The following MAP7D1 variants were observed in gnomAD, a reference collection of about 807,000 sequenced individuals.
MAP7D1 encodes MAP7 domain containing 1, also known as MAP7 domain-containing protein 1.
A neutral mutation model predicts 97.5 loss-of-function variants in MAP7D1; 30 were observed. That is an observed-to-expected ratio of 0.31 (90% CI 0.23 to 0.42). MAP7D1 has a LOEUF of 0.42. Among genes scored for constraint, MAP7D1 ranks in the 10% least tolerant of loss-of-function variants. MAP7D1 has a pLI of 1.00. For synonymous variants in MAP7D1, 536 were observed against 477.1 expected, an observed-to-expected ratio of 1.12 and a Z score of -1.61; for missense variants, 1,184 against 1,179.5, an observed-to-expected ratio of 1.00 and a Z score of -0.06.
At chr1:36,167,586 A>G (rs775385763) in intron 1 of MAP7D1, among the ~76,000 whole-genome samples, 1 of 151,984 alleles carries the variant, frequency 6.6e-6, no homozygotes, top group Non-Finnish European at 1.5e-5. Flanking sequence ...GTCTGTACCA[A>G]CTCCCCATGT....
At chr1:36,156,541 C>G in intron 1 of MAP7D1, 78 bp downstream of exon 1, 1 of 1,229,768 alleles carries the variant, frequency 8.1e-7, no homozygotes, top group African/African-American at 1.6e-5. Context: ...GGCCGGCCGG[C>G]TGGGCGGGGA....
Position 36,178,031 on chromosome 1 carries a change from A to T in MAP7D1, c.1538A>T (p.Glu513Val), listed in dbSNP as rs1457731184. 1.2e-6 allele frequency: 2 copies of T among 1,613,422 alleles called. No homozygotes were observed. Among genetic ancestry groups the T allele is most frequent in the South Asian group, 2.2e-5 (2 of 91,064 alleles). ...SPKGRVRRKEEAKESPSAAGP... is the reference protein window; with the variant it reads ...SPKGRVRRKEVAKESPSAAGP... ...AAGGGGCGGGTTCGGAGGAAGGAGG[A>T]GGCAAAGGAGAGCCCCAGCGCCGCA... Residue 513 changes from glutamate to valine, a missense_variant, in exon 9 of 17, where the codon GAG becomes GTG. Glu to Val is a moderately radical substitution (Grantham distance 121). Coordinates refer to ENST00000474796, the MANE Select transcript of MAP7D1 (RefSeq NM_001388490.1).
At chr1:36,171,412 G>GA in intron 2 of MAP7D1, 97 bp downstream of exon 2, 3 of 1,554,840 alleles carry the variant, frequency 1.9e-6, no homozygotes, top group Non-Finnish European at 2.6e-6. Context: ...CCCTAGAGGA[G>GA]ATAAAGAAAG....
At position 36,158,175 on chromosome 1, in the gene MAP7D1, T is replaced by C. The variant is rs545935649; in HGVS notation, c.46+1712T>C. 1.1e-3 allele frequency among the ~76,000 whole-genome samples: 173 copies of C among 151,904 alleles called. 1 individual carries two copies. The highest frequency in any genetic ancestry group is 2.2e-3 in the Admixed American group (33 of 15,238). On this transcript the variant is annotated intron_variant, in intron 1 of 16. Transcript: ENST00000474796. ...TGTTCGGTGGGCGGGGAGGGCTGCG[T>C]CAGGGGCCGGTGGGCAGACTGCATA...
rs541012404 is a variant in MAP7D1 at position 36,161,311 on chromosome 1, C to T, written c.46+4848C>T. On this transcript the variant is annotated intron_variant, in intron 1 of 16. Coordinates refer to ENST00000474796, the MANE Select transcript of MAP7D1 (RefSeq NM_001388490.1). ...AAGGGTCCCTCCTCTCCCGGCCCCA[C>T]AATTAGGCATTCCCCAGAGTTTGCC... Among the ~76,000 whole-genome samples, 6 of 152,326 alleles carry T rather than the reference C, an allele frequency of 3.9e-5. No individual in the cohort carries two copies. In the South Asian group the frequency reaches 1.2e-3, roughly 32 times the overall value.
At position 36,156,314 on chromosome 1, in the gene MAP7D1, G is replaced by A; in HGVS notation, c.-104G>A. 2 of 985,316 alleles carry A rather than the reference G, an allele frequency of 2.0e-6. No homozygotes were observed. Among genetic ancestry groups the A allele is most frequent in the Non-Finnish European group, 2.7e-6 (2 of 737,414 alleles). The allele number at this position is 985,316 out of a possible 1,614,324, so 61.0% of individuals were successfully genotyped here. On this transcript the variant is annotated 5_prime_UTR_variant, in exon 1 of 17. Coordinates refer to ENST00000474796, the MANE Select transcript of MAP7D1 (RefSeq NM_001388490.1). The stretch of plus-strand genomic sequence containing the variant: ...CCGCCTCCGAGTCGCTACTTGCCGG[G>A]CCGGGCCGGGCCGGGCGTGATGCGC...
Position 36,176,645 on chromosome 1 carries a change from C to A in MAP7D1, c.1234-52C>A. ...GGACAGGCAGCCTGGAACTGGGGTA[C>A]GCGGGCGCTGCTGACCTCTACTCTC... On this transcript the variant is annotated intron_variant, in intron 7 of 16. Transcript: ENST00000474796. The surrounding 1 kb of genome is among the most constrained non-coding windows in gnomAD (Gnocchi z 6.1). 12 of 1,588,334 alleles carry A rather than the reference C, an allele frequency of 7.6e-6. No individual in the cohort carries two copies. The highest frequency in any genetic ancestry group is 1.0e-5 in the Non-Finnish European group (12 of 1,164,406).
intron 9 of MAP7D1, 59 bp downstream of exon 9, chr1:36,178,260 G>C (rs372588251): frequency 1.3e-6 from 2 of 1,488,986 alleles, no homozygotes; most frequent in Non-Finnish European, 1.8e-6. Flanking sequence ...TCTCCTGTGT[G>C]GGGGTGTGGG....
chr1:36,171,569 G>C lies in MAP7D1; in HGVS notation c.448G>C (p.Ala150Pro). ...GGCAAAGGAGCGGCGAGAAGAGCGG[G>C]CCAAGTACCTGGGTGAGTGAGCAGG... Reference protein sequence around the residue: ...KLAKERREERAKYLAAKKAVW... With the variant: ...KLAKERREERPKYLAAKKAVW... The change falls in exon 3 of 17, where the codon GCC becomes CCC. Residue 150 changes from alanine (A) to proline (P), a missense_variant. Transcript: ENST00000474796. The C allele has an allele frequency of 6.2e-7, 1 of 1,614,150 alleles. No individual in the cohort carries two copies.
rs746575988 is a variant in MAP7D1, at chr1:36,178,164, G to T, written c.1671G>T (p.Pro557=). 8.4e-5 allele frequency: 72 copies of T among 858,030 alleles called. No homozygotes were observed. Among genetic ancestry groups the T allele is most frequent in the Non-Finnish European group, 1.3e-4 (71 of 560,924 alleles). The allele number at this position is 858,030 out of a possible 1,614,324, so 53.2% of individuals were successfully genotyped here. A position where few individuals can be genotyped will look rare whatever the true frequency, so the allele number is the denominator to read the frequency against. Residue 557 remains proline (P), a synonymous_variant, in exon 9 of 17, where the codon CCG becomes CCT. Coordinates refer to ENST00000474796, the MANE Select transcript of MAP7D1 (RefSeq NM_001388490.1). ...CGGCGCCCTCGCCCACCCCAGCCCC[G>T]CCCCAGAAGGAGCAGCCCCCCGCGG... ...PSPAPSPTPA[P]PQKEQPPAET...
rs1424692527 is a variant in MAP7D1 at position 36,176,440 on chromosome 1, G to A, written c.1092G>A (p.Ser364=). The part of the protein sequence containing the change: ...PSAAVPVCPR[S]ASASPLTPCS... The stretch of plus-strand genomic sequence containing the variant: ...CAGCCGTGCCGGTGTGCCCGCGCTC[G>A]GCCTCCGCCAGCCCCCTGACGCCGT... Residue 364 remains serine (S), a synonymous_variant, in exon 7 of 17, where the codon TCG becomes TCA. Coordinates refer to ENST00000474796, the MANE Select transcript of MAP7D1 (RefSeq NM_001388490.1). This position sits in a 1 kb window ranked among gnomAD's most constrained non-coding sequence, Gnocchi z 6.1. 1.3e-6 allele frequency: 2 copies of A among 1,517,066 alleles called. No individual in the cohort carries two copies. Among genetic ancestry groups the A allele is most frequent in the East Asian group, 2.7e-5 (1 of 37,170 alleles). 94.0% of individuals were successfully genotyped at this position (1,517,066 alleles called of 1,614,324 possible). A position where few individuals can be genotyped will look rare whatever the true frequency, so the allele number is the denominator to read the frequency against.
chr1:36,163,741 G>A (rs1570131827), intron 1 of MAP7D1, among the ~76,000 whole-genome samples: 1 of 150,838 alleles, frequency 6.6e-6, no homozygotes, highest in African/African-American at 2.4e-5. Flanking sequence ...AAACACTATT[G>A]AGATGGAGTT....
intron 15 of MAP7D1, 38 bp downstream of exon 15, chr1:36,179,794 G>A: frequency 1.3e-6 from 2 of 1,554,424 alleles, no homozygotes; most frequent in Non-Finnish European, 8.7e-7. Flanking sequence ...GAGCAGGGAG[G>A]CAGACTGCAG....
At position 36,169,555 on chromosome 1, in the gene MAP7D1, C is replaced by CA. The variant is rs780377186; in HGVS notation, c.47-1401dup. ...GGGGTGACAGAGCGAGACTCCGTCT[C>CA]AAAAAAAAAAAAAAAGAAAAATGTT... On this transcript the variant is annotated intron_variant, in intron 1 of 16. Coordinates refer to ENST00000474796, the MANE Select transcript of MAP7D1 (RefSeq NM_001388490.1). Among the ~76,000 whole-genome samples the CA allele has an allele frequency of 3.2e-3, 309 of 96,084 alleles. 1 individual carries two copies. Among genetic ancestry groups the CA allele is most frequent in the East Asian group, 0.016 (54 of 3,356 alleles). 63.0% of individuals were successfully genotyped at this position (96,084 alleles called of 152,430 possible). A position where few individuals can be genotyped will look rare whatever the true frequency, so the allele number is the denominator to read the frequency against.
In MAP7D1 at chr1:36,173,483, G is replaced by A; in HGVS notation, c.739+5G>A. On this transcript the variant is annotated splice_donor_5th_base_variant and intron_variant, in intron 5 of 16. Coordinates refer to ENST00000474796, the MANE Select transcript of MAP7D1 (RefSeq NM_001388490.1). ...GCTCTCCAGGACATAAGACCAGTGA[G>A]TAGGCTGGAGGGGCTGGGGAGTGGG... is the stretch of plus-strand genomic sequence containing the variant. 1 of 1,595,792 alleles carries A rather than the reference G, an allele frequency of 6.3e-7. No homozygotes were observed. The highest frequency in any genetic ancestry group is 8.6e-7 in the Non-Finnish European group (1 of 1,167,824).
chr1:36,174,856 C>G (rs1644596276), intron 5 of MAP7D1, 42 bp from the exon 6 acceptor site: 1 of 1,309,564 alleles, frequency 7.6e-7, no homozygotes, highest in Non-Finnish European at 1.1e-6. Flanking sequence ...CCACTGGCTC[C>G]TGCCGGGCCC....
intron 1 of MAP7D1, among the ~76,000 whole-genome samples, chr1:36,165,302 T>C (rs149068910): frequency 1.3e-5 from 2 of 152,150 alleles, no homozygotes; most frequent in South Asian, 2.1e-4. Flanking sequence ...TTTTATTTTT[T>C]AGTTGAGATA....
Position 36,177,896 on chromosome 1 carries a change from C to T in MAP7D1, c.1403C>T (p.Ser468Phe). 5.2e-6 allele frequency: 8 copies of T among 1,539,452 alleles called. No homozygotes were observed. In the South Asian group the frequency reaches 7.5e-5, roughly 14 times the overall value. The change falls in exon 9 of 17, where the codon TCC becomes TTC. Residue 468 changes from serine (S) to phenylalanine (F), a missense_variant. By Grantham distance (155) the Ser-to-Phe change is radical. Transcript: ENST00000474796. ...ELSPKSKARP[S>F]SPSTSWHRPA... ...AGCCCCAAATCCAAGGCCAGGCCAT[C>T]CTCTCCCTCCACATCCTGGCACAGG... is the stretch of plus-strand genomic sequence containing the variant.
At chr1:36,166,669 G>A (rs1339383239) in intron 1 of MAP7D1, among the ~76,000 whole-genome samples, 2 of 152,092 alleles carry the variant, frequency 1.3e-5, no homozygotes, top group Non-Finnish European at 2.9e-5. Flanking sequence ...GATTACAGGC[G>A]TGAGCCACCG....
Sources: gnomAD v4.1 joint callset for allele counts (sites outside exome capture counted in the v4.1 genomes callset) on GRCh38, gnomAD v4.1.1 for gene constraint, Gnocchi (gnomAD v3.1) non-coding constraint, MANE v1.5 for transcripts, NCBI Gene and HGNC (gene_info 2026-07-23, HGNC 2026-07-21) for gene names.